Variants in CALN1 observed in about 807,000 individuals in gnomAD.
CALN1 encodes the protein calneuron 1.
Under a neutral mutation model 30.6 loss-of-function variants are expected in CALN1, and 17 were observed. That is an observed-to-expected ratio of 0.56 (90% CI 0.38 to 0.83). The LOEUF is 0.83. Among genes scored for constraint, CALN1 ranks in the 40% least tolerant of loss-of-function variants. The probability of loss-of-function intolerance (pLI) is 0.00; values close to 1 mark genes in which losing one functional copy is unlikely to be tolerated. For synonymous variants in CALN1, 156 were observed against 131.4 expected, an observed-to-expected ratio of 1.19 and a Z score of -1.28; for missense variants, 291 against 354.9, an observed-to-expected ratio of 0.82 and a Z score of 1.45.
intron 4 of CALN1, among the ~76,000 whole-genome samples, chr7:72,077,605 C>T (rs1211149626): frequency 3.9e-5 from 6 of 152,026 alleles, no homozygotes; most frequent in Non-Finnish European, 8.8e-5. Context: ...CTTCCTTTTC[C>T]CAACCCCTGT....
In CALN1 at chr7:72,283,435, TG is replaced by T. The variant is rs551157107; in HGVS notation, c.120-4626del. ...ATGTAGTCATAGCTACTCCGGAGGC[TG>T]AAGTGAGAGGATCATGTGAGCACAG... On this transcript the variant is annotated intron_variant, in intron 2 of 6. Coordinates refer to ENST00000395275, the MANE Select transcript of CALN1 (RefSeq NM_031468.4). Among the ~76,000 whole-genome samples, 906 of 152,248 alleles carry T rather than the reference TG, an allele frequency of 6.0e-3. 11 individuals are homozygous for T. Among genetic ancestry groups the T allele is most frequent in the African/African-American group, 0.021 (865 of 41,538 alleles).
At chr7:71,971,345 G>A (rs939879428) in intron 5 of CALN1, among the ~76,000 whole-genome samples, 3 of 152,158 alleles carry the variant, frequency 2.0e-5, no homozygotes, top group Admixed American at 2.0e-4. Flanking sequence ...AGCTACTTGG[G>A]AGGCTGAGGC....
rs1227626738 is a variant in CALN1, at chr7:71,897,965, CAAAAAACAAAA to C, written c.502-87484_502-87474del. On this transcript the variant is annotated intron_variant, in intron 5 of 6. Coordinates refer to ENST00000395275, the MANE Select transcript of CALN1 (RefSeq NM_031468.4). Reference sequence around the variant, plus strand: ...GCCAAGGAGTAGTGTTGGAAAAAAACAAAAAACAAAAAAAAAAAAAAAAAAAAGAGAGAGAG... The same window carrying C: ...GCCAAGGAGTAGTGTTGGAAAAAAACAAAAAAAAAAAAAAAAGAGAGAGAG... 2.2e-4 allele frequency among the ~76,000 whole-genome samples: 12 copies of C among 55,146 alleles called. No homozygotes were observed. The East Asian group carries it at 5.6e-3, about 26-fold the overall frequency. The allele number at this position is 55,146 out of a possible 152,430, so 36.2% of individuals were successfully genotyped here. A position where few individuals can be genotyped will look rare whatever the true frequency, so the allele number is the denominator to read the frequency against.
At chr7:72,152,912 A>G (rs1277796934) in intron 3 of CALN1, among the ~76,000 whole-genome samples, 1 of 152,188 alleles carries the variant, frequency 6.6e-6, no homozygotes, top group Non-Finnish European at 1.5e-5. Flanking sequence ...GTTTGTCCCC[A>G]GACTGTTCCT....
chr7:72,127,256 T>C (rs543923012), intron 3 of CALN1, among the ~76,000 whole-genome samples: 23 of 151,902 alleles, frequency 1.5e-4, no homozygotes, highest in Admixed American at 7.2e-4. Flanking sequence ...AATCCCTAGG[T>C]AGATGTATGC....
intron 5 of CALN1, among the ~76,000 whole-genome samples, chr7:71,874,699 T>C (rs1237284360): frequency 6.6e-6 from 1 of 152,208 alleles, no homozygotes; most frequent in East Asian, 1.9e-4. Context: ...GCAGAGCTTT[T>C]GCTTCTGCAG....
At chr7:72,188,922 A>G (rs1034225079) in intron 3 of CALN1, among the ~76,000 whole-genome samples, 3 of 151,892 alleles carry the variant, frequency 2.0e-5, no homozygotes, top group African/African-American at 7.2e-5. Flanking sequence ...CCTACACCGC[A>G]CACACACAAA....
intron 5 of CALN1, among the ~76,000 whole-genome samples, chr7:71,994,511 C>CAAAA (rs367725464): frequency 2.5e-4 from 11 of 43,968 alleles, no homozygotes; most frequent in East Asian, 6.4e-4. Flanking sequence ...GACTTCATCT[C>CAAAA]AAAAAAAAAA....
Position 72,086,618 on chromosome 7 carries a change from G to T in CALN1, c.388+19533C>A, listed in dbSNP as rs532962918. Among the ~76,000 whole-genome samples, 4 of 152,174 alleles carry T rather than the reference G, an allele frequency of 2.6e-5. No homozygotes were observed. In the South Asian group the frequency reaches 6.2e-4, roughly 24 times the overall value. On this transcript the variant is annotated intron_variant, in intron 4 of 6. Transcript: ENST00000395275. ...CTGGCTACATTGTATTTTTTTGGTA[G>T]AGATGAGGTTTCAGCATGTTGGTCA...
chr7:72,452,486 CCTT>C, the CALN1 span, among the ~76,000 whole-genome samples: 1 of 152,148 alleles, frequency 6.6e-6, no homozygotes, highest in Non-Finnish European at 1.5e-5. Context: ...CCTTCCTCCT[CCTT>C]CTCTCTCCCT....
At chr7:71,996,057 T>C (rs909577879) in intron 5 of CALN1, among the ~76,000 whole-genome samples, 1 of 152,110 alleles carries the variant, frequency 6.6e-6, no homozygotes, top group Admixed American at 6.5e-5. Flanking sequence ...CAGCCCTGTA[T>C]AAACCAGGCT....
intron 4 of CALN1, among the ~76,000 whole-genome samples, chr7:72,059,405 C>A (rs1298527724): frequency 6.6e-6 from 1 of 152,046 alleles, no homozygotes; most frequent in East Asian, 1.9e-4. Flanking sequence ...CAAACCCTGA[C>A]AATCCCTCAT....
intron 1 of CALN1, among the ~76,000 whole-genome samples, chr7:72,443,866 A>G (rs534789482): frequency 6.8e-6 from 1 of 147,628 alleles, no homozygotes; most frequent in Admixed American, 6.7e-5. Flanking sequence ...TTTTTGAGAC[A>G]GAGTTTCTCT....
At chr7:72,235,451 T>A (rs1431846742) in intron 3 of CALN1, among the ~76,000 whole-genome samples, 1 of 152,114 alleles carries the variant, frequency 6.6e-6, no homozygotes, top group Non-Finnish European at 1.5e-5. Flanking sequence ...AGGCAACTCC[T>A]AAAGAAATAG....
intron 5 of CALN1, among the ~76,000 whole-genome samples, chr7:71,875,349 G>C (rs1193232101): frequency 6.6e-6 from 1 of 152,150 alleles, no homozygotes; most frequent in Non-Finnish European, 1.5e-5. Flanking sequence ...CCAGGGATCA[G>C]TTTACAGGGA....
At position 72,406,621 on chromosome 7, in the gene CALN1, T is replaced by TTTC. The variant is rs1554402605; in HGVS notation, c.-73-3180_-73-3179insGAA. Among the ~76,000 whole-genome samples, 77 of 52,896 alleles carry TTTC rather than the reference T, an allele frequency of 1.5e-3. 1 individual carries two copies. The highest frequency in any genetic ancestry group is 7.8e-3 in the Middle Eastern group (1 of 128). The allele number at this position is 52,896 out of a possible 152,430, so 34.7% of individuals were successfully genotyped here. A position where few individuals can be genotyped will look rare whatever the true frequency, so the allele number is the denominator to read the frequency against. On this transcript the variant is annotated intron_variant, in intron 1 of 6. Coordinates refer to ENST00000395275, the MANE Select transcript of CALN1 (RefSeq NM_031468.4). ...ACATGAGGGTCCTTGTCAGCTTTTTTTTTTTTCTTTTTTAAGACGGAGTCT... is the reference window on the plus strand; with the variant it reads ...ACATGAGGGTCCTTGTCAGCTTTTTTTTCTTTTTTCTTTTTTAAGACGGAGTCT...
chr7:72,301,427 G>A (rs1020357804), intron 2 of CALN1, among the ~76,000 whole-genome samples: 38 of 151,854 alleles, frequency 2.5e-4, no homozygotes, highest in Non-Finnish European at 4.7e-4. Flanking sequence ...AGCCAACATG[G>A]TGAAACCCTG....
At chr7:72,479,300 A>G in the CALN1 span, among the ~76,000 whole-genome samples, 5 of 152,292 alleles carry the variant, frequency 3.3e-5, no homozygotes, top group Admixed American at 6.5e-5. Flanking sequence ...AGACTTCTAT[A>G]ACAAGATTTA....
chr7:72,191,339 C>T (rs999472169), intron 3 of CALN1, among the ~76,000 whole-genome samples: 1 of 152,048 alleles, frequency 6.6e-6, no homozygotes, highest in African/African-American at 2.4e-5. Context: ...TGGTGGCTCA[C>T]GACTGTAATT....
Sources: allele counts gnomAD v4.1 joint callset (sites outside exome capture counted in the v4.1 genomes callset), GRCh38; gene constraint gnomAD v4.1.1; transcripts MANE v1.5; gene names NCBI Gene and HGNC (gene_info 2026-07-23, HGNC 2026-07-21).